The following TNFSF4 variants were observed in gnomAD, a reference collection of about 807,000 sequenced individuals.
TNFSF4 encodes the protein TNF superfamily member 4, also known as tumor necrosis factor ligand superfamily member 4.
A neutral mutation model predicts 7.3 loss-of-function variants in TNFSF4; 4 were observed. The observed-to-expected ratio is 0.55, with a 90% CI of 0.27 to 1.25. The LOEUF (loss-of-function observed/expected upper bound fraction) is 1.25. Among genes scored for constraint, TNFSF4 ranks in the 50% most tolerant of loss-of-function variants. The probability of loss-of-function intolerance (pLI) is 0.12; values close to 1 mark genes in which losing one functional copy is unlikely to be tolerated. For synonymous variants in TNFSF4, 76 were observed against 83.7 expected, an observed-to-expected ratio of 0.91 and a Z score of 0.50; for missense variants, 181 against 208.8, an observed-to-expected ratio of 0.87 and a Z score of 0.82.
chr1:173,419,914 G>A, the TNFSF4 span, among the ~76,000 whole-genome samples: 1 of 151,924 alleles, frequency 6.6e-6, no homozygotes, highest in Non-Finnish European at 1.5e-5. Flanking sequence ...GCGGGGGGGG[G>A]GATGAGAGGC....
At chr1:173,205,014 A>G (rs1234557080) in intron 1 of TNFSF4, among the ~76,000 whole-genome samples, 1 of 152,086 alleles carries the variant, frequency 6.6e-6, no homozygotes, top group Non-Finnish European at 1.5e-5. Flanking sequence ...CAACCCATCT[A>G]TGCTATCCTT....
chr1:173,291,254 C>G, the TNFSF4 span, among the ~76,000 whole-genome samples: 1 of 152,110 alleles, frequency 6.6e-6, no homozygotes, highest in East Asian at 1.9e-4. Flanking sequence ...ACAACCAGAT[C>G]TCATGAGCAC....
At position 173,204,924 on chromosome 1, in the gene TNFSF4, A is replaced by ACACAAACAC. The variant is rs1557886815; in HGVS notation, c.153+2099_153+2100insGTGTTTGTG. On this transcript the variant is annotated intron_variant, in intron 1 of 2. Transcript: ENST00000281834. ...AGAAACACACACACACACACACACA[A>ACACAAACAC]ACACACACACACACACACTGCTGCT... Among the ~76,000 whole-genome samples, 1,053 of 131,706 alleles carry ACACAAACAC rather than the reference A, an allele frequency of 8.0e-3. 7 individuals are homozygous for ACACAAACAC. Among genetic ancestry groups the ACACAAACAC allele is most frequent in the African/African-American group, 0.025 (967 of 39,212 alleles). The allele number at this position is 131,706 out of a possible 152,430, so 86.4% of individuals were successfully genotyped here.
At chr1:173,193,586 T>C (rs917595081) in intron 1 of TNFSF4, among the ~76,000 whole-genome samples, 13 of 152,148 alleles carry the variant, frequency 8.5e-5, no homozygotes, top group African/African-American at 2.9e-4. Flanking sequence ...CCACGCGAAT[T>C]TGAAGAAAAA....
chr1:173,340,000 A>G, the TNFSF4 span, among the ~76,000 whole-genome samples: 1 of 152,172 alleles, frequency 6.6e-6, no homozygotes, highest in Non-Finnish European at 1.5e-5. Context: ...ATTAGTAGAC[A>G]TAGTAAAGGT....
chr1:173,367,345 G>A, the TNFSF4 span, among the ~76,000 whole-genome samples: 1 of 152,180 alleles, frequency 6.6e-6, no homozygotes, highest in Admixed American at 6.5e-5. Flanking sequence ...TTGTGTTACA[G>A]TGCCAGATGA....
the TNFSF4 span, among the ~76,000 whole-genome samples, chr1:173,347,875 A>G: frequency 3.4e-4 from 52 of 152,344 alleles, no homozygotes; most frequent in African/African-American, 1.2e-3. Flanking sequence ...TCTACTCACT[A>G]GACGCCAGTA....
At chr1:173,365,983 C>G in the TNFSF4 span, among the ~76,000 whole-genome samples, 1 of 152,108 alleles carries the variant, frequency 6.6e-6, no homozygotes, top group Non-Finnish European at 1.5e-5. Context: ...ATAACAAATG[C>G]TAGTGAAGAT....
downstream of TNFSF4, among the ~76,000 whole-genome samples, chr1:173,183,468 G>GA (rs1329561218): frequency 6.6e-6 from 1 of 152,118 alleles, no homozygotes; most frequent in African/African-American, 2.4e-5. Flanking sequence ...CTGAGGAAAG[G>GA]AAAAACAGTA....
the TNFSF4 span, among the ~76,000 whole-genome samples, chr1:173,333,789 C>T: frequency 2.6e-5 from 4 of 152,266 alleles, no homozygotes; most frequent in African/African-American, 9.6e-5. Context: ...GTTATGACAG[C>T]ATGCGCTGAC....
the TNFSF4 span, among the ~76,000 whole-genome samples, chr1:173,261,135 T>C: frequency 2.6e-5 from 4 of 152,036 alleles, no homozygotes; most frequent in South Asian, 4.1e-4. Flanking sequence ...TTATGACAAA[T>C]AGTCTCTCAG....
the TNFSF4 span, among the ~76,000 whole-genome samples, chr1:173,244,607 A>G: frequency 7.0e-6 from 1 of 143,388 alleles, no homozygotes; most frequent in African/African-American, 2.7e-5. Context: ...CCGCCACTGC[A>G]CTCCAGCCTG....
At chr1:173,200,668 T>C (rs1340528037) in intron 1 of TNFSF4, among the ~76,000 whole-genome samples, 1 of 152,232 alleles carries the variant, frequency 6.6e-6, no homozygotes, top group Non-Finnish European at 1.5e-5. Flanking sequence ...TTTTGTAATA[T>C]TGTCATTCCA....
chr1:173,401,633 G>A, the TNFSF4 span, among the ~76,000 whole-genome samples: 67 of 152,192 alleles, frequency 4.4e-4, no homozygotes, highest in Middle Eastern at 3.4e-3. Context: ...TAGGCCTCAA[G>A]ACTCAGACTG....
At chr1:173,363,136 T>G in the TNFSF4 span, 1 of 330,578 alleles carries the variant, frequency 3.0e-6, no homozygotes, top group East Asian at 8.1e-5. Context: ...TTTTTCTTTC[T>G]GCAAGGGCCT....
chr1:173,344,068 C>T, the TNFSF4 span, among the ~76,000 whole-genome samples: 1 of 152,172 alleles, frequency 6.6e-6, no homozygotes. Context: ...ATTTCTTCAT[C>T]CATTTTAACA....
chr1:173,431,473 G>C, the TNFSF4 span, among the ~76,000 whole-genome samples: 1 of 152,138 alleles, frequency 6.6e-6, no homozygotes, highest in Non-Finnish European at 1.5e-5. Flanking sequence ...CCCAAAATCA[G>C]CCTGCAGAAA....
At chr1:173,359,134 T>G in the TNFSF4 span, among the ~76,000 whole-genome samples, 2 of 152,234 alleles carry the variant, frequency 1.3e-5, no homozygotes, top group Non-Finnish European at 2.9e-5. Flanking sequence ...GCCTCTGTTA[T>G]GTCATACGTA....
the TNFSF4 span, among the ~76,000 whole-genome samples, chr1:173,318,100 C>T: frequency 6.6e-6 from 1 of 152,116 alleles, no homozygotes; most frequent in Non-Finnish European, 1.5e-5. Context: ...TAAATATGCA[C>T]ATTTCCAGTC....
Sources: gnomAD v4.1 joint callset for allele counts (sites outside exome capture counted in the v4.1 genomes callset) on GRCh38, gnomAD v4.1.1 for gene constraint, MANE v1.5 for transcripts, NCBI Gene and HGNC (gene_info 2026-07-23, HGNC 2026-07-21) for gene names.